The following NFIA variants were observed in gnomAD, a reference collection of about 807,000 sequenced individuals.
NFIA encodes nuclear factor I A, also known as nuclear factor 1 A-type.
Under a neutral mutation model 62.8 loss-of-function variants are expected in NFIA, and 8 were observed. The ratio of observed to expected loss-of-function variants is 0.13; its 90% confidence interval spans 0.07 to 0.23. The LOEUF (loss-of-function observed/expected upper bound fraction) is 0.23, where lower values mean the gene tolerates loss of function less well. Among genes scored for constraint, NFIA ranks in the 10% least tolerant of loss-of-function variants. The probability of loss-of-function intolerance (pLI) is 1.00; values close to 1 mark genes in which losing one functional copy is unlikely to be tolerated. For synonymous variants in NFIA, 235 were observed against 238.1 expected (o/e 0.99, Z 0.12); for missense variants, 410 against 642.1 (o/e 0.64, Z 3.91).
At position 61,138,502 on chromosome 1, in the gene NFIA, A is replaced by G. The variant is rs186948520; in HGVS notation, c.559+49822A>G. 1.7e-4 allele frequency among the ~76,000 whole-genome samples: 26 copies of G among 152,284 alleles called. No individual in the cohort carries two copies. In the East Asian group the frequency reaches 4.6e-3, roughly 27 times the overall value. ...AGAAAGAATCTTTGTTGCCGGACAG[A>G]TTTGTGGTAAATCCTGGTTTCTCAC... On this transcript the variant is annotated intron_variant, in intron 2 of 10. Transcript: ENST00000403491.
intron 2 of NFIA, among the ~76,000 whole-genome samples, chr1:61,231,514 G>A (rs1654667498): frequency 6.6e-6 from 1 of 152,018 alleles, no homozygotes; most frequent in East Asian, 1.9e-4. Context: ...TTATATATAT[G>A]TAAAATTCAG....
intron 2 of NFIA, among the ~76,000 whole-genome samples, chr1:61,142,108 A>T (rs1254179480): frequency 1.3e-5 from 2 of 152,256 alleles, no homozygotes; most frequent in Non-Finnish European, 2.9e-5. Context: ...AAAAAAAAAA[A>T]TTGTGCTTTT....
intron 4 of NFIA, among the ~76,000 whole-genome samples, chr1:61,342,193 A>T (rs1661958535): frequency 6.8e-6 from 1 of 146,788 alleles, no homozygotes; most frequent in African/African-American, 2.5e-5. Context: ...ATTGAAAACT[A>T]TTTTTTTTTT....
chr1:61,373,266 C>T (rs555824688), intron 6 of NFIA, among the ~76,000 whole-genome samples: 35 of 152,206 alleles, frequency 2.3e-4, no homozygotes, highest in African/African-American at 7.2e-4. Flanking sequence ...AATGCTTTGC[C>T]ATAATAAGAT....
At chr1:61,360,268 T>A (rs6587920) in intron 6 of NFIA, among the ~76,000 whole-genome samples, 77 of 151,676 alleles carry the variant, frequency 5.1e-4, no homozygotes, top group Admixed American at 1.6e-3. Context: ...TAACACGTGG[T>A]TTAGAGGGAA....
intron 3 of NFIA, among the ~76,000 whole-genome samples, chr1:61,301,321 C>T (rs1022979986): frequency 7.2e-5 from 11 of 152,118 alleles, no homozygotes; most frequent in African/African-American, 2.7e-4. Flanking sequence ...AACTTGCTGC[C>T]AATCCATCAG....
intron 2 of NFIA, among the ~76,000 whole-genome samples, chr1:61,236,616 A>T (rs937362808): frequency 2.0e-5 from 3 of 151,948 alleles, no homozygotes; most frequent in Non-Finnish European, 1.5e-5. Flanking sequence ...CAGGTACTAA[A>T]CAGGATTTTT....
upstream of NFIA, among the ~76,000 whole-genome samples, chr1:61,078,165 TCTC>T (rs1374386015): frequency 6.6e-6 from 1 of 151,960 alleles, no homozygotes; most frequent in Non-Finnish European, 1.5e-5. Context: ...GATCTGAAGT[TCTC>T]TGCAGCTCTG....
At chr1:61,378,920 G>A (rs948758458) in intron 6 of NFIA, among the ~76,000 whole-genome samples, 1 of 152,128 alleles carries the variant, frequency 6.6e-6, no homozygotes, top group African/African-American at 2.4e-5. Context: ...CTTCTTCAAA[G>A]CCTGAAGAAG....
chr1:61,244,707 C>G (rs1270097488), intron 2 of NFIA, among the ~76,000 whole-genome samples: 1 of 152,050 alleles, frequency 6.6e-6, no homozygotes, highest in South Asian at 2.1e-4. Context: ...TTTAAAAACC[C>G]TAGATTATTT....
At chr1:61,224,530 T>A (rs1221879105) in intron 2 of NFIA, among the ~76,000 whole-genome samples, 1 of 152,198 alleles carries the variant, frequency 6.6e-6, no homozygotes, top group African/African-American at 2.4e-5. Context: ...GCCTTTTCTC[T>A]GCTTTTGAGT....
In NFIA at chr1:61,456,468, C is replaced by T. The variant is rs1398292528; in HGVS notation, c.*1148C>T. On this transcript the variant is annotated 3_prime_UTR_variant, in exon 11 of 11. Transcript: ENST00000403491. The stretch of plus-strand genomic sequence containing the variant: ...AATTAATTATTTTCTGTTATCAAAG[C>T]ACATGACTAAAATGAAATCATGGTA... 2.6e-5 allele frequency: 4 copies of T among 151,436 alleles called. No individual in the cohort carries two copies. The highest frequency in any genetic ancestry group is 6.6e-5 in the Admixed American group (1 of 15,160). 9.4% of individuals were successfully genotyped at this position (151,436 alleles called of 1,614,324 possible). A position where few individuals can be genotyped will look rare whatever the true frequency, so the allele number is the denominator to read the frequency against.
intron 10 of NFIA, among the ~76,000 whole-genome samples, chr1:61,428,487 A>G (rs2100556849): frequency 6.6e-6 from 1 of 152,150 alleles, no homozygotes; most frequent in South Asian, 2.1e-4. Flanking sequence ...GCTTGAAGAA[A>G]GTCATTCCCA....
chr1:61,182,140 A>T (rs1650801913), intron 2 of NFIA, among the ~76,000 whole-genome samples: 1 of 152,162 alleles, frequency 6.6e-6, no homozygotes, highest in Admixed American at 6.5e-5. Flanking sequence ...TTTTTAACAT[A>T]CATGTTGTTT....
At chr1:61,197,913 G>A (rs1244036611) in intron 2 of NFIA, among the ~76,000 whole-genome samples, 3 of 152,026 alleles carry the variant, frequency 2.0e-5, no homozygotes, top group African/African-American at 4.8e-5. Context: ...CCCGAGAGGC[G>A]GAGGTTGCAG....
chr1:61,301,086 C>T (rs114175950), intron 3 of NFIA, among the ~76,000 whole-genome samples: 185 of 152,152 alleles, frequency 1.2e-3, no homozygotes, highest in African/African-American at 3.9e-3. Flanking sequence ...CATACCAGTT[C>T]CTCAAGGGAA....
chr1:61,459,761 G>C lies in NFIA; in HGVS notation c.*4441G>C, dbSNP rs1272932817. On this transcript the variant is annotated 3_prime_UTR_variant, in exon 11 of 11. Coordinates refer to ENST00000403491, the MANE Select transcript of NFIA (RefSeq NM_001134673.4). ...ATAAGCTTTGAATCCTGTAGTTACA[G>C]TGGCATAAAGGACTGACAAAACCTG... 3 of 152,176 alleles carry C rather than the reference G, an allele frequency of 2.0e-5. No homozygotes were observed. Among genetic ancestry groups the C allele is most frequent in the Admixed American group, 6.5e-5 (1 of 15,286 alleles). 9.4% of individuals were successfully genotyped at this position (152,176 alleles called of 1,614,324 possible).
chr1:61,408,240 A>ATT (rs1259674450), intron 9 of NFIA, among the ~76,000 whole-genome samples: 9 of 152,298 alleles, frequency 5.9e-5, no homozygotes, highest in Admixed American at 5.2e-4. Context: ...AAAGGAGAAA[A>ATT]CCCTCAGTGT....
chr1:61,277,384 T>G (rs547760799), intron 2 of NFIA, 136 bp from the exon 3 acceptor site: 1 of 774,110 alleles, frequency 1.3e-6, no homozygotes, highest in South Asian at 1.8e-5. Context: ...TCTTTTCTTT[T>G]TTTCATGTCT....
Sources: allele counts gnomAD v4.1 joint callset (sites outside exome capture counted in the v4.1 genomes callset), GRCh38; gene constraint gnomAD v4.1.1; transcripts MANE v1.5; gene names NCBI Gene and HGNC (gene_info 2026-07-23, HGNC 2026-07-21).